Variants in DCUN1D4 observed in about 807,000 individuals in gnomAD.
DCUN1D4 encodes the protein DCN1-like protein 4.
A neutral mutation model predicts 47.9 loss-of-function variants in DCUN1D4; 22 were observed. That is an observed-to-expected ratio of 0.46 (90% confidence interval 0.33 to 0.66). The LOEUF (loss-of-function observed/expected upper bound fraction) is 0.66, where lower values mean the gene tolerates loss of function less well. Ranked by LOEUF, DCUN1D4 falls within the 30% of genes least tolerant of loss-of-function variation. The pLI is 0.02. For synonymous variants in DCUN1D4, 121 were observed against 112.2 expected, an observed-to-expected ratio of 1.08 and a Z score of -0.50; for missense variants, 301 against 340.8, an observed-to-expected ratio of 0.88 and a Z score of 0.92.
intron 1 of DCUN1D4, among the ~76,000 whole-genome samples, chr4:51,849,755 G>T (rs1043123725): frequency 6.6e-6 from 1 of 152,014 alleles, no homozygotes; most frequent in African/African-American, 2.4e-5. Flanking sequence ...CCCAAAAGTT[G>T]GGATGCCTAG....
At chr4:51,901,349 T>G (rs1732082643) in intron 8 of DCUN1D4, among the ~76,000 whole-genome samples, 2 of 152,158 alleles carry the variant, frequency 1.3e-5, no homozygotes, top group South Asian at 4.1e-4. Context: ...GCCACGTTGT[T>G]CATAGTAGAT....
At chr4:51,873,453 C>T (rs1172179987) in intron 3 of DCUN1D4, among the ~76,000 whole-genome samples, 1 of 152,168 alleles carries the variant, frequency 6.6e-6, no homozygotes, top group Admixed American at 6.5e-5. Flanking sequence ...AGCAAGACTG[C>T]CCAGATTCGA....
intron 1 of DCUN1D4, among the ~76,000 whole-genome samples, chr4:51,846,226 G>A (rs150485632): frequency 1.5e-4 from 23 of 152,162 alleles, no homozygotes; most frequent in African/African-American, 5.1e-4. Flanking sequence ...GATTTTTGGC[G>A]CTTGGGGAGG....
intron 7 of DCUN1D4, among the ~76,000 whole-genome samples, chr4:51,895,615 T>C (rs1372735208): frequency 2.0e-5 from 2 of 101,122 alleles, no homozygotes; most frequent in Non-Finnish European, 4.6e-5. Flanking sequence ...TTAACTGCAA[T>C]AAACTGATGA....
At chr4:51,863,964 C>G (rs1263601024) in intron 3 of DCUN1D4, among the ~76,000 whole-genome samples, 1 of 152,114 alleles carries the variant, frequency 6.6e-6, no homozygotes, top group Non-Finnish European at 1.5e-5. Flanking sequence ...ACCTTGTTTT[C>G]TCTACTGCAG....
At chr4:51,859,762 T>C (rs1724745394) in intron 1 of DCUN1D4, among the ~76,000 whole-genome samples, 1 of 152,064 alleles carries the variant, frequency 6.6e-6, no homozygotes, top group Admixed American at 6.5e-5. Flanking sequence ...GCTGTGCCTT[T>C]GTAGAGCTGA....
At chr4:51,864,164 G>T (rs1028236098) in intron 3 of DCUN1D4, among the ~76,000 whole-genome samples, 1 of 152,170 alleles carries the variant, frequency 6.6e-6, no homozygotes, top group Non-Finnish European at 1.5e-5. Flanking sequence ...GTGGTTCTCA[G>T]AGTTTAGCTG....
chr4:51,854,640 C>T (rs1283798148), intron 1 of DCUN1D4, among the ~76,000 whole-genome samples: 3 of 152,216 alleles, frequency 2.0e-5, no homozygotes, highest in Admixed American at 6.5e-5. Context: ...TTCTTCATCA[C>T]TCATACAATC....
chr4:51,870,372 A>C (rs1045454743), intron 3 of DCUN1D4, among the ~76,000 whole-genome samples: 4 of 152,202 alleles, frequency 2.6e-5, no homozygotes, highest in African/African-American at 4.8e-5. Flanking sequence ...CATTCCTTGA[A>C]TATGTCTTCT....
rs1734301480 is a variant in DCUN1D4, at chr4:51,916,125, TC to T, written c.*2542del. ...AATTAGGGTGCCTTCATCTGGGTTT[TC>T]TTTAGTACCTAAGTCTACAACCCTT... On this transcript the variant is annotated 3_prime_UTR_variant, in exon 11 of 11. Coordinates refer to ENST00000334635, the MANE Select transcript of DCUN1D4 (RefSeq NM_001040402.3). 4 of 152,240 alleles carry T rather than the reference TC, an allele frequency of 2.6e-5. No homozygotes were observed. Among genetic ancestry groups the T allele is most frequent in the African/African-American group, 9.6e-5 (4 of 41,558 alleles). 9.4% of individuals were successfully genotyped at this position (152,240 alleles called of 1,614,324 possible). A position where few individuals can be genotyped will look rare whatever the true frequency, so the allele number is the denominator to read the frequency against.
At chr4:51,911,382 T>C (rs1048777617) in intron 9 of DCUN1D4, among the ~76,000 whole-genome samples, 9 of 152,186 alleles carry the variant, frequency 5.9e-5, no homozygotes, top group African/African-American at 1.9e-4. Flanking sequence ...TCATTCCACA[T>C]TAAAAATGCA....
chr4:51,886,707 C>CAAAT, intron 6 of DCUN1D4, 69 bp downstream of exon 6: 1 of 1,254,976 alleles, frequency 8.0e-7, no homozygotes, highest in Non-Finnish European at 1.2e-6. Flanking sequence ...TGTTCTTTAG[C>CAAAT]AAATAAATAA....
At chr4:51,898,521 A>G (rs1731617815) in intron 7 of DCUN1D4, among the ~76,000 whole-genome samples, 1 of 152,246 alleles carries the variant, frequency 6.6e-6, no homozygotes, top group Non-Finnish European at 1.5e-5. Context: ...TCAAAGTATC[A>G]TCCTGTAGAT....
At chr4:51,883,639 A>G (rs910278908) in intron 5 of DCUN1D4, among the ~76,000 whole-genome samples, 4 of 152,248 alleles carry the variant, frequency 2.6e-5, no homozygotes, top group African/African-American at 9.6e-5. Context: ...AAAGGAGGAG[A>G]CAGAAATGAT....
chr4:51,912,269 G>T (rs1733823150), intron 9 of DCUN1D4, among the ~76,000 whole-genome samples: 1 of 152,154 alleles, frequency 6.6e-6, no homozygotes, highest in African/African-American at 2.4e-5. Context: ...TGTGTGTAAA[G>T]AGTCTTAAGC....
chr4:51,837,571 C>T, the DCUN1D4 span, among the ~76,000 whole-genome samples: 2 of 132,080 alleles, frequency 1.5e-5, no homozygotes, highest in Admixed American at 8.8e-5. Flanking sequence ...AGGAGAATGG[C>T]GTGAACCCGG....
chr4:51,845,291 C>T (rs1722362443), intron 1 of DCUN1D4: 34 of 984,804 alleles, frequency 3.5e-5, no homozygotes, highest in Non-Finnish European at 4.1e-5. Context: ...GTTGGTATTT[C>T]TTGGGGTGTT....
At chr4:51,902,203 C>T (rs986881568) in intron 8 of DCUN1D4, among the ~76,000 whole-genome samples, 1 of 152,104 alleles carries the variant, frequency 6.6e-6, no homozygotes, top group African/African-American at 2.4e-5. Context: ...TGGTCTGCTG[C>T]GGTGAATATT....
chr4:51,883,359 A>AT, intron 5 of DCUN1D4, among the ~76,000 whole-genome samples: 1 of 152,138 alleles, frequency 6.6e-6, no homozygotes, highest in Non-Finnish European at 1.5e-5. Context: ...TGTTTATTTT[A>AT]TTCTGTATGT....
Sources: gnomAD v4.1 joint callset for allele counts (sites outside exome capture counted in the v4.1 genomes callset) on GRCh38, gnomAD v4.1.1 for gene constraint, MANE v1.5 for transcripts, NCBI Gene and HGNC (gene_info 2026-07-23, HGNC 2026-07-21) for gene names.